Variants in GRIA3 observed in about 807,000 individuals in gnomAD.
The protein encoded by GRIA3 is glutamate ionotropic receptor AMPA type subunit 3.
A neutral mutation model predicts 63.0 loss-of-function variants in GRIA3; 3 were observed. The ratio of observed to expected loss-of-function variants is 0.05; its 90% confidence interval spans 0.02 to 0.12. GRIA3 has a LOEUF of 0.12. Ranked by LOEUF, GRIA3 falls within the 10% of genes least tolerant of loss-of-function variation. The pLI, the probability that GRIA3 is intolerant of heterozygous loss-of-function variation, is 1.00. For synonymous variants in GRIA3, 274 were observed against 257.9 expected (o/e 1.06, Z -0.60); for missense variants, 347 against 700.9 (o/e 0.50, Z 5.70).
chrX:123,432,134 T>A (rs999595485), intron 12 of GRIA3, among the ~76,000 whole-genome samples: 2 of 111,830 alleles, frequency 1.8e-5, no homozygotes, highest in Admixed American at 1.9e-4. Flanking sequence ...TTCAGTTAGA[T>A]CCCTTAAAGC....
chrX:123,211,404 T>C (rs975380328), intron 2 of GRIA3, among the ~76,000 whole-genome samples: 1 of 111,402 alleles, frequency 9.0e-6, no homozygotes, highest in Admixed American at 9.6e-5. Flanking sequence ...ACAATAAATA[T>C]ATGTCAGTAA....
At chrX:123,258,310 T>C (rs778327887) in intron 3 of GRIA3, among the ~76,000 whole-genome samples, 6 of 112,775 alleles carry the variant, frequency 5.3e-5, no homozygotes, top group Non-Finnish European at 9.4e-5. Context: ...AACAACTTGA[T>C]GGGTTAGTGC....
At chrX:123,194,803 T>A (rs1238403475) in intron 2 of GRIA3, among the ~76,000 whole-genome samples, 1 of 112,349 alleles carries the variant, frequency 8.9e-6, no homozygotes, top group African/African-American at 3.2e-5. Context: ...ATTTATTGAA[T>A]ACCCACTGAG....
intron 13 of GRIA3, chrX:123,465,605 C>T: frequency 1.1e-6 from 1 of 878,386 alleles, no homozygotes; most frequent in Non-Finnish European, 1.7e-6. Context: ...TCTTGTGCTC[C>T]TTTTTATACG....
rs1358096003 is a variant in GRIA3, at chrX:123,489,115, AC to A, written c.*406del. Reference sequence around the variant, plus strand: ...CACACACACACACACACACACACACACATTTAAATTCCAATTCAGCAAAGAG... The same window carrying A: ...CACACACACACACACACACACACACAATTTAAATTCCAATTCAGCAAAGAG... On this transcript the variant is annotated 3_prime_UTR_variant, in exon 16 of 16. Transcript: ENST00000620443. 9.2e-6 allele frequency: 1 copy of A among 108,284 alleles called. No homozygotes were observed. Among genetic ancestry groups the A allele is most frequent in the Non-Finnish European group, 1.9e-5 (1 of 51,711 alleles). The allele number at this position is 108,284 out of a possible 1,213,427, so 8.9% of individuals were successfully genotyped here. A position where few individuals can be genotyped will look rare whatever the true frequency, so the allele number is the denominator to read the frequency against.
chrX:123,250,646 T>A (rs2044383838), intron 2 of GRIA3, among the ~76,000 whole-genome samples: 1 of 111,672 alleles, frequency 9.0e-6, no homozygotes, highest in African/African-American at 3.3e-5. Flanking sequence ...CCAGCTACCC[T>A]TTGAATCATT....
At chrX:123,276,623 G>A (rs1164996871) in intron 3 of GRIA3, among the ~76,000 whole-genome samples, 1 of 112,057 alleles carries the variant, frequency 8.9e-6, no homozygotes, top group Non-Finnish European at 1.9e-5. Context: ...GAGGCTCAGA[G>A]AGCTTAAATG....
chrX:123,244,872 A>T (rs188586791), intron 2 of GRIA3, among the ~76,000 whole-genome samples: 1 of 112,822 alleles, frequency 8.9e-6, no homozygotes, highest in Non-Finnish European at 1.9e-5. Flanking sequence ...TTATTAATCC[A>T]TTAACAATTC....
intron 3 of GRIA3, among the ~76,000 whole-genome samples, chrX:123,256,082 C>T (rs1287997430): frequency 9.0e-6 from 1 of 111,357 alleles, no homozygotes; most frequent in Non-Finnish European, 1.9e-5. Context: ...CCTCAGCAAT[C>T]GTACTTTTAC....
chrX:123,288,970 G>T (rs771642948), intron 3 of GRIA3, among the ~76,000 whole-genome samples: 4 of 111,909 alleles, frequency 3.6e-5, no homozygotes, highest in Non-Finnish European at 7.5e-5. Flanking sequence ...ACATGCACAC[G>T]TATGTTTATT....
At chrX:123,454,181 C>T (rs941436111) in intron 12 of GRIA3, among the ~76,000 whole-genome samples, 4 of 110,578 alleles carry the variant, frequency 3.6e-5, no homozygotes, top group African/African-American at 6.6e-5. Flanking sequence ...CCCAACCCTA[C>T]CACATGGCTT....
intron 12 of GRIA3, among the ~76,000 whole-genome samples, chrX:123,437,068 G>A (rs766690025): frequency 1.8e-5 from 2 of 109,113 alleles, no homozygotes; most frequent in South Asian, 8.0e-4. Context: ...AGGCAACTTA[G>A]ACACACAAAA....
At chrX:123,199,600 G>A (rs1206367165) in intron 2 of GRIA3, among the ~76,000 whole-genome samples, 1 of 111,327 alleles carries the variant, frequency 9.0e-6, no homozygotes, top group African/African-American at 3.3e-5. Context: ...TCCAACTTTT[G>A]GCACTTCTCT....
At chrX:123,217,428 C>G (rs1356061106) in intron 2 of GRIA3, among the ~76,000 whole-genome samples, 1 of 111,554 alleles carries the variant, frequency 9.0e-6, no homozygotes, top group African/African-American at 3.3e-5. Context: ...CTTGACAAGT[C>G]CTTATCCCAC....
chrX:123,290,063 G>A (rs1362559186), intron 3 of GRIA3, among the ~76,000 whole-genome samples: 1 of 110,884 alleles, frequency 9.0e-6, no homozygotes, highest in East Asian at 2.8e-4. Flanking sequence ...TAAGATATAG[G>A]AGAAAAAGAG....
intron 3 of GRIA3, among the ~76,000 whole-genome samples, chrX:123,259,189 G>C (rs986784533): frequency 5.4e-5 from 6 of 111,987 alleles, no homozygotes; most frequent in African/African-American, 1.9e-4. Flanking sequence ...AAGGGCTTAA[G>C]AGGTAAAGGG....
intron 12 of GRIA3, among the ~76,000 whole-genome samples, chrX:123,463,643 A>G (rs1359609161): frequency 6.2e-5 from 3 of 48,330 alleles, no homozygotes; most frequent in East Asian, 5.7e-4. Flanking sequence ...AAAGAAAGAA[A>G]GAAAGAAAGA....
At chrX:123,293,697 C>T (rs1377558757) in intron 3 of GRIA3, among the ~76,000 whole-genome samples, 2 of 109,555 alleles carry the variant, frequency 1.8e-5, no homozygotes, top group African/African-American at 3.3e-5. Context: ...AAGTGCAAAG[C>T]GAAAATACAG....
At chrX:123,447,185 C>G (rs771886804) in intron 12 of GRIA3, among the ~76,000 whole-genome samples, 2 of 111,585 alleles carry the variant, frequency 1.8e-5, no homozygotes, top group South Asian at 7.5e-4. Flanking sequence ...GAGTTTGAGA[C>G]CAGCCTGGCC....
Sources: gnomAD v4.1 joint callset for allele counts (sites outside exome capture counted in the v4.1 genomes callset) on GRCh38, gnomAD v4.1.1 for gene constraint, MANE v1.5 for transcripts, NCBI Gene and HGNC (gene_info 2026-07-23, HGNC 2026-07-21) for gene names.